The following ZBTB7B variants were observed in gnomAD, a reference collection of about 807,000 sequenced individuals.
ZBTB7B encodes zinc finger and BTB domain-containing protein 7B.
Under a neutral mutation model 31.0 loss-of-function variants are expected in ZBTB7B, and 8 were observed. That is an observed-to-expected ratio of 0.26 (90% confidence interval 0.15 to 0.47). ZBTB7B has a LOEUF of 0.47. Ranked by LOEUF, ZBTB7B falls within the 20% of genes least tolerant of loss-of-function variation. ZBTB7B has a pLI of 0.99. For missense variants in ZBTB7B, 494 were observed against 742.4 expected (o/e 0.67, Z 3.89); for synonymous variants, 261 against 307.3 (o/e 0.85, Z 1.58).
Position 155,004,601 on chromosome 1 carries a change from T to C in ZBTB7B, c.-7+1658T>C, listed in dbSNP as rs1307505709. Among the ~76,000 whole-genome samples the C allele has an allele frequency of 6.6e-6, 1 of 152,074 alleles. No homozygotes were observed. The highest frequency in any genetic ancestry group is 1.5e-5 in the Non-Finnish European group (1 of 67,982). Reference sequence around the variant, plus strand: ...AGAGTGGGCATAAGGAGTGTTGTGCTGCGCTAGAGAGGGACATATGTGTGA... The same window carrying C: ...AGAGTGGGCATAAGGAGTGTTGTGCCGCGCTAGAGAGGGACATATGTGTGA... On this transcript the variant is annotated intron_variant, in intron 1 of 2. Transcript: ENST00000535420. The surrounding 1 kb of genome is among the most constrained non-coding windows in gnomAD (Gnocchi z 4.0).
rs1003889384 is a variant in ZBTB7B at position 155,018,437 on chromosome 1, TC to T, written c.*1759del. On this transcript the variant is annotated 3_prime_UTR_variant, in exon 3 of 3. Coordinates refer to ENST00000535420, the MANE Select transcript of ZBTB7B (RefSeq NM_001256455.2). ...GTCAGTGCCTTAGGGGGAGAGGCACTCCCCCCCTCCTATTCCCTTCCCCCCA... is the reference window on the plus strand; with the variant it reads ...GTCAGTGCCTTAGGGGGAGAGGCACTCCCCCCTCCTATTCCCTTCCCCCCA... 7.5e-5 allele frequency: 86 copies of T among 1,144,482 alleles called. 1 individual carries two copies. The Admixed American group carries it at 1.4e-3, about 19-fold the overall frequency. 70.9% of individuals were successfully genotyped at this position (1,144,482 alleles called of 1,614,324 possible). A position where few individuals can be genotyped will look rare whatever the true frequency, so the allele number is the denominator to read the frequency against.
At position 155,018,445 on chromosome 1, in the gene ZBTB7B, T is replaced by A; in HGVS notation, c.*1760T>A. On this transcript the variant is annotated 3_prime_UTR_variant, in exon 3 of 3. Coordinates refer to ENST00000535420, the MANE Select transcript of ZBTB7B (RefSeq NM_001256455.2). Reference sequence around the variant, plus strand: ...CTTAGGGGGAGAGGCACTCCCCCCCTCCTATTCCCTTCCCCCCACCCCAAC... The same window carrying A: ...CTTAGGGGGAGAGGCACTCCCCCCCACCTATTCCCTTCCCCCCACCCCAAC... 2.5e-6 allele frequency: 3 copies of A among 1,207,028 alleles called. No homozygotes were observed. Among genetic ancestry groups the A allele is most frequent in the African/African-American group, 1.5e-5 (1 of 65,902 alleles). 74.8% of individuals were successfully genotyped at this position (1,207,028 alleles called of 1,614,324 possible).
chr1:155,018,510 T>C lies in ZBTB7B; in HGVS notation c.*1825T>C. The C allele has an allele frequency of 1.3e-6, 2 of 1,585,760 alleles. No homozygotes were observed. Among genetic ancestry groups the C allele is most frequent in the Non-Finnish European group, 1.7e-6 (2 of 1,158,480 alleles). Reference sequence around the variant, plus strand: ...TGTAAGCGACAGGAAGAAATAATAATAATTTAAGATTCACACTTGTGTCCA... The same window carrying C: ...TGTAAGCGACAGGAAGAAATAATAACAATTTAAGATTCACACTTGTGTCCA... On this transcript the variant is annotated 3_prime_UTR_variant, in exon 3 of 3. Transcript: ENST00000535420.
chr1:155,005,928 C>T (rs1269148327), intron 1 of ZBTB7B, among the ~76,000 whole-genome samples: 1 of 152,224 alleles, frequency 6.6e-6, no homozygotes, highest in East Asian at 1.9e-4. Context: ...GGGGATAGAG[C>T]TGCTGTCATC....
chr1:155,010,182 G>A (rs2102289113), intron 1 of ZBTB7B: 1 of 152,772 alleles, frequency 6.5e-6, no homozygotes, highest in African/African-American at 2.4e-5. Context: ...CCTTGATGGG[G>A]ACTAAGGGGC....
chr1:155,009,871 G>A (rs1658831205), intron 1 of ZBTB7B, among the ~76,000 whole-genome samples: 1 of 152,092 alleles, frequency 6.6e-6, no homozygotes, highest in African/African-American at 2.4e-5. Context: ...GTTTGAGCAA[G>A]AGAGAACCAA....
intron 1 of ZBTB7B, among the ~76,000 whole-genome samples, chr1:155,011,368 T>C (rs950805703): frequency 1.4e-4 from 22 of 152,246 alleles, no homozygotes; most frequent in Non-Finnish European, 1.0e-4. Flanking sequence ...GGACATACCC[T>C]GCCAGGTGCC....
At chr1:155,005,707 G>C (rs1658517659) in intron 1 of ZBTB7B, among the ~76,000 whole-genome samples, 1 of 152,196 alleles carries the variant, frequency 6.6e-6, no homozygotes, top group Non-Finnish European at 1.5e-5. Context: ...GAGAACAGTG[G>C]GGGAGGAAGG....
At chr1:155,005,724 C>T (rs527818360) in intron 1 of ZBTB7B, among the ~76,000 whole-genome samples, 4 of 152,342 alleles carry the variant, frequency 2.6e-5, no homozygotes, top group South Asian at 4.1e-4. Flanking sequence ...AAGGTGGGGA[C>T]AGGCAGATGG....
At chr1:155,006,695 G>A (rs1357487510) in intron 1 of ZBTB7B, among the ~76,000 whole-genome samples, 2 of 151,956 alleles carry the variant, frequency 1.3e-5, no homozygotes, top group Non-Finnish European at 2.9e-5. Flanking sequence ...CCTTACTTTC[G>A]ACCTCATGTC....
chr1:155,014,093 T>C (rs939118730), intron 1 of ZBTB7B: 1 of 986,928 alleles, frequency 1.0e-6, no homozygotes, highest in African/African-American at 1.7e-5. Context: ...CTTGGTCCAG[T>C]GTGAGTCTGA....
intron 1 of ZBTB7B, chr1:155,010,814 G>T (rs1217886912): frequency 1.2e-5 from 11 of 936,936 alleles, no homozygotes; most frequent in East Asian, 2.7e-5. Flanking sequence ...TTGGGGTGGG[G>T]GGGTGGAGGG....
rs953952422 is a variant in ZBTB7B at position 155,018,161 on chromosome 1, C to G, written c.*1476C>G. On this transcript the variant is annotated 3_prime_UTR_variant, in exon 3 of 3. Coordinates refer to ENST00000535420, the MANE Select transcript of ZBTB7B (RefSeq NM_001256455.2). ...CCTCCCTTCCATGCACCCCCATGCC[C>G]ATTTGCACAGCTGCCCAGGTACCCC... The G allele has an allele frequency of 8.4e-6, 2 of 237,408 alleles. No homozygotes were observed. The highest frequency in any genetic ancestry group is 4.6e-5 in the African/African-American group (2 of 43,582). The allele number at this position is 237,408 out of a possible 1,614,324, so 14.7% of individuals were successfully genotyped here. A position where few individuals can be genotyped will look rare whatever the true frequency, so the allele number is the denominator to read the frequency against.
At chr1:155,006,759 A>C in intron 1 of ZBTB7B, among the ~76,000 whole-genome samples, 1 of 147,680 alleles carries the variant, frequency 6.8e-6, no homozygotes, top group African/African-American at 2.5e-5. Flanking sequence ...CTCCCCACCC[A>C]TATGCCCCTT....
At position 155,018,283 on chromosome 1, in the gene ZBTB7B, T is replaced by A; in HGVS notation, c.*1598T>A. 3.9e-6 allele frequency: 2 copies of A among 511,746 alleles called. No homozygotes were observed. Among genetic ancestry groups the A allele is most frequent in the Non-Finnish European group, 7.0e-6 (2 of 285,052 alleles). 31.7% of individuals were successfully genotyped at this position (511,746 alleles called of 1,614,324 possible). ...GTAATATATTGGGGTGGCGGGGAGATCGGGTTGTCCTGGGCCTCATCTTAG... is the reference window on the plus strand; with the variant it reads ...GTAATATATTGGGGTGGCGGGGAGAACGGGTTGTCCTGGGCCTCATCTTAG... On this transcript the variant is annotated 3_prime_UTR_variant, in exon 3 of 3. Coordinates refer to ENST00000535420, the MANE Select transcript of ZBTB7B (RefSeq NM_001256455.2).
In ZBTB7B at chr1:155,015,678, C is replaced by T; in HGVS notation, c.1018C>T (p.Arg340Cys). Residue 340 changes from arginine (R) to cysteine (C), a missense_variant, in exon 2 of 3, where the codon CGC (arginine) becomes TGC (cysteine). Physicochemically the swap from Arg to Cys is radical, Grantham distance 180 (BLOSUM62 -3). Coordinates refer to ENST00000535420, the MANE Select transcript of ZBTB7B (RefSeq NM_001256455.2). ...LDSQDKLVRK[R>C]RSQMPQECPV... is the part of the protein sequence containing the mutation. ...CAGCCAAGACAAGCTGGTGCGCAAA[C>T]GCCGCTCCCAGATGCCTCAGGAGTG... is the stretch of plus-strand genomic sequence containing the variant. The T allele has an allele frequency of 1.9e-6, 3 of 1,613,080 alleles. No individual in the cohort carries two copies. The highest frequency in any genetic ancestry group is 2.5e-6 in the Non-Finnish European group (3 of 1,180,018).
chr1:155,009,524 G>T (rs1658805771), intron 1 of ZBTB7B, among the ~76,000 whole-genome samples: 1 of 152,126 alleles, frequency 6.6e-6, no homozygotes, highest in Non-Finnish European at 1.5e-5. Flanking sequence ...CCTGGTCCAG[G>T]GTGGGCACCC....
At chr1:155,006,974 G>C (rs1164763226) in intron 1 of ZBTB7B, among the ~76,000 whole-genome samples, 1 of 152,200 alleles carries the variant, frequency 6.6e-6, no homozygotes, top group Non-Finnish European at 1.5e-5. Context: ...TCTCAAGGGG[G>C]ACTACAACTC....
chr1:155,007,048 G>A (rs1041289618), intron 1 of ZBTB7B, among the ~76,000 whole-genome samples: 25 of 152,220 alleles, frequency 1.6e-4, no homozygotes, highest in Admixed American at 1.4e-3. Flanking sequence ...CTCTCAATTT[G>A]GCTGAGTCTG....
Sources: allele counts gnomAD v4.1 joint callset (sites outside exome capture counted in the v4.1 genomes callset), GRCh38; gene constraint gnomAD v4.1.1; non-coding constraint Gnocchi (gnomAD v3.1); transcripts MANE v1.5; gene names NCBI Gene and HGNC (gene_info 2026-07-23, HGNC 2026-07-21).